Variants in CADM2 observed in about 807,000 individuals in gnomAD.
CADM2 encodes the protein immunoglobulin superfamily member 4D.
In CADM2, 12 loss-of-function variants were observed where a neutral mutation model predicts 49.8. That is an observed-to-expected ratio of 0.24 (90% CI 0.15 to 0.39). CADM2 has a LOEUF of 0.39. Ranked by LOEUF, CADM2 falls within the 10% of genes least tolerant of loss-of-function variation. The pLI, the probability that CADM2 is intolerant of heterozygous loss-of-function variation, is 1.00. For missense variants in CADM2, 378 were observed against 492.3 expected (o/e 0.77, Z 2.20); for synonymous variants, 214 against 175.4 (o/e 1.22, Z -1.74).
At chr3:86,059,551 C>A (rs2107382741) in intron 8 of CADM2, among the ~76,000 whole-genome samples, 1 of 152,302 alleles carries the variant, frequency 6.6e-6, no homozygotes, top group South Asian at 2.1e-4. Context: ...TTTACTCCAA[C>A]ATTAACAGGC....
intron 1 of CADM2, among the ~76,000 whole-genome samples, chr3:85,669,155 T>C (rs4312666): frequency 0.71 from 107,317 of 151,854 alleles, 37,993 homozygotes; most frequent in East Asian, 0.8. Flanking sequence ...TTAGTATTCT[T>C]CTTGTTTTAA....
chr3:85,124,847 T>A (rs2107598492), intron 1 of CADM2, among the ~76,000 whole-genome samples: 1 of 152,280 alleles, frequency 6.6e-6, no homozygotes, highest in East Asian at 1.9e-4. Context: ...GTACCAAAGT[T>A]GAAAAAGAGA....
intron 1 of CADM2, among the ~76,000 whole-genome samples, chr3:85,616,054 T>G (rs1382387341): frequency 6.6e-6 from 1 of 151,976 alleles, no homozygotes; most frequent in Non-Finnish European, 1.5e-5. Flanking sequence ...CAGAGTTGAC[T>G]GTGTAAAATT....
intron 1 of CADM2, among the ~76,000 whole-genome samples, chr3:85,715,870 G>A (rs1336630857): frequency 6.6e-6 from 1 of 152,188 alleles, no homozygotes; most frequent in Non-Finnish European, 1.5e-5. Context: ...ATTCCATGGT[G>A]TATATGTGCC....
At chr3:85,245,735 A>C (rs966398520) in intron 1 of CADM2, among the ~76,000 whole-genome samples, 22 of 152,094 alleles carry the variant, frequency 1.4e-4, no homozygotes, top group Admixed American at 4.6e-4. Flanking sequence ...ATGGTATAGA[A>C]AGATTACTCT....
chr3:85,941,111 A>G (rs1006972314), intron 7 of CADM2, among the ~76,000 whole-genome samples: 5 of 152,146 alleles, frequency 3.3e-5, no homozygotes, highest in African/African-American at 1.2e-4. Context: ...TTTATCAAAC[A>G]GATTGTTTTA....
intron 2 of CADM2, among the ~76,000 whole-genome samples, chr3:85,787,891 T>C (rs1332425019): frequency 3.9e-5 from 6 of 152,152 alleles, no homozygotes; most frequent in Non-Finnish European, 7.4e-5. Flanking sequence ...GTCCTATTGA[T>C]ATTTTTCAGT....
intron 3 of CADM2, among the ~76,000 whole-genome samples, chr3:85,873,101 T>C (rs927791838): frequency 6.6e-6 from 1 of 152,142 alleles, no homozygotes. Context: ...AAAACTTCTT[T>C]GTTAAAGTCA....
intron 1 of CADM2, among the ~76,000 whole-genome samples, chr3:85,283,700 A>T (rs1418798477): frequency 6.6e-6 from 1 of 152,144 alleles, no homozygotes; most frequent in Non-Finnish European, 1.5e-5. Flanking sequence ...CTTATAACAA[A>T]ATAGAGTATA....
chr3:85,944,535 C>T (rs1357159949), intron 7 of CADM2, among the ~76,000 whole-genome samples: 1 of 152,076 alleles, frequency 6.6e-6, no homozygotes, highest in East Asian at 1.9e-4. Context: ...AAGCACTCCT[C>T]AGCAAATGTA....
intron 3 of CADM2, among the ~76,000 whole-genome samples, chr3:85,877,141 C>G (rs2108370802): frequency 6.6e-6 from 1 of 152,200 alleles, no homozygotes; most frequent in South Asian, 2.1e-4. Flanking sequence ...TAGCAGGCAA[C>G]TAATGGCTGT....
intron 1 of CADM2, among the ~76,000 whole-genome samples, chr3:84,971,101 C>A (rs190667456): frequency 6.6e-6 from 1 of 151,936 alleles, no homozygotes; most frequent in Non-Finnish European, 1.5e-5. Context: ...GACTTTTAGT[C>A]GTAATGATTC....
intron 8 of CADM2, among the ~76,000 whole-genome samples, chr3:85,965,287 T>A (rs1725335747): frequency 6.8e-6 from 1 of 147,064 alleles, no homozygotes; most frequent in Non-Finnish European, 1.5e-5. Flanking sequence ...ATAATCATAA[T>A]AAATATTTAA....
chr3:85,147,116 T>G, intron 1 of CADM2, among the ~76,000 whole-genome samples: 1 of 151,312 alleles, frequency 6.6e-6, no homozygotes, highest in East Asian at 2.0e-4. Flanking sequence ...CTACTAAAAA[T>G]ACAAGAAAAT....
At chr3:84,999,678 G>T (rs1334558673) in intron 1 of CADM2, among the ~76,000 whole-genome samples, 3 of 152,180 alleles carry the variant, frequency 2.0e-5, no homozygotes, top group Non-Finnish European at 4.4e-5. Context: ...TGCATATCAG[G>T]CAGCTCAAAT....
chr3:85,210,995 A>G lies in CADM2; in HGVS notation c.61+251327A>G, dbSNP rs77576555. ...GTCTTTTCAAGTTGTGAATTTCTTC[A>G]TGGTTCAATCTTGGTAGGTTGTACT... is the stretch of plus-strand genomic sequence containing the variant. On this transcript the variant is annotated intron_variant, in intron 1 of 9. Transcript: ENST00000383699. Among the ~76,000 whole-genome samples, 1,052 of 152,232 alleles carry G rather than the reference A, an allele frequency of 6.9e-3. 9 individuals are homozygous for G. Among genetic ancestry groups the G allele is most frequent in the African/African-American group, 0.023 (962 of 41,540 alleles).
intron 1 of CADM2, among the ~76,000 whole-genome samples, chr3:85,337,086 G>C (rs1013003428): frequency 1.4e-5 from 2 of 144,282 alleles, no homozygotes; most frequent in Non-Finnish European, 3.0e-5. Flanking sequence ...CCATTTAAGG[G>C]AAAACAATAT....
chr3:85,526,710 T>C (rs1416800676), intron 1 of CADM2, among the ~76,000 whole-genome samples: 1 of 152,152 alleles, frequency 6.6e-6, no homozygotes, highest in Non-Finnish European at 1.5e-5. Flanking sequence ...CTAAAATGCT[T>C]TATTCTCTAC....
At chr3:86,066,585 C>T in intron 9 of CADM2, 80 bp from the exon 10 acceptor site, 1 of 1,091,276 alleles carries the variant, frequency 9.2e-7, no homozygotes, top group Non-Finnish European at 1.4e-6. Flanking sequence ...GCAAAAGTTT[C>T]TTCCTAAATA....
Sources: gnomAD v4.1 joint callset for allele counts (sites outside exome capture counted in the v4.1 genomes callset) on GRCh38, gnomAD v4.1.1 for gene constraint, MANE v1.5 for transcripts, NCBI Gene and HGNC (gene_info 2026-07-23, HGNC 2026-07-21) for gene names.